Variants in ACTMAP observed in about 807,000 individuals in gnomAD.
ACTMAP encodes actin maturation protease, also known as UPF0692 protein C19orf54.
chr19:40,746,405 G>A, the ACTMAP span, among the ~76,000 whole-genome samples: 1 of 149,734 alleles, frequency 6.7e-6, no homozygotes, highest in Non-Finnish European at 1.5e-5. Context: ...TTTTGTTTTT[G>A]TTTTTTTTTG....
the ACTMAP span, chr19:40,749,857 CT>C: frequency 8.0e-7 from 1 of 1,244,674 alleles, no homozygotes; most frequent in Non-Finnish European, 1.1e-6. Flanking sequence ...GGGAAGGATC[CT>C]CCAACGGAGA....
the ACTMAP span, chr19:40,749,707 G>T: frequency 3.3e-6 from 5 of 1,519,514 alleles, no homozygotes; most frequent in Middle Eastern, 1.7e-4. Flanking sequence ...AGGGGACTTG[G>T]GGGTAGAGGA....
At chr19:40,744,892 G>A in the ACTMAP span, 44 of 842,346 alleles carry the variant, frequency 5.2e-5, no homozygotes, top group Non-Finnish European at 7.6e-5. Flanking sequence ...CTTCCTGGGA[G>A]GAGGAACCAA....
chr19:40,749,585 G>A, the ACTMAP span: 42 of 1,551,256 alleles, frequency 2.7e-5, no homozygotes, highest in South Asian at 1.2e-4. Context: ...TCTCCAGGCC[G>A]AAGACATGAC....
the ACTMAP span, among the ~76,000 whole-genome samples, chr19:40,747,621 G>A: frequency 1.3e-5 from 2 of 152,098 alleles, no homozygotes; most frequent in Non-Finnish European, 2.9e-5. Context: ...TTGGGTGGTC[G>A]AGACAAGAAG....
chr19:40,741,482 T>G, the ACTMAP span: 1 of 299,320 alleles, frequency 3.3e-6, no homozygotes, highest in South Asian at 2.9e-5. Context: ...TTTCCCTAAA[T>G]GAGATGGGCT....
At chr19:40,747,751 A>G in the ACTMAP span, among the ~76,000 whole-genome samples, 1 of 152,118 alleles carries the variant, frequency 6.6e-6, no homozygotes, top group Non-Finnish European at 1.5e-5. Context: ...CTGTGGTCCC[A>G]GCTATTTTGG....
the ACTMAP span, among the ~76,000 whole-genome samples, chr19:40,748,194 T>C: frequency 3.9e-5 from 6 of 152,198 alleles, no homozygotes. Flanking sequence ...CCAGGCCCAG[T>C]GGCTCACGCC....
chr19:40,749,647 G>C, the ACTMAP span: 4 of 1,549,030 alleles, frequency 2.6e-6, no homozygotes, highest in Non-Finnish European at 3.5e-6. Context: ...AGCGGTGGGG[G>C]AACAGGGGTC....
chr19:40,743,396 CTAA>C, the ACTMAP span, among the ~76,000 whole-genome samples: 1 of 152,120 alleles, frequency 6.6e-6, no homozygotes, highest in Admixed American at 6.6e-5. Flanking sequence ...CCACGCCTGG[CTAA>C]TTTTTGTATT....
the ACTMAP span, chr19:40,749,395 GAC>G: frequency 1.9e-4 from 253 of 1,349,806 alleles, no homozygotes; most frequent in African/African-American, 3.5e-3. Flanking sequence ...TGATCTTGAG[GAC>G]ACGGGAACCC....
the ACTMAP span, among the ~76,000 whole-genome samples, chr19:40,747,764 G>A: frequency 6.6e-6 from 1 of 152,208 alleles, no homozygotes; most frequent in Middle Eastern, 3.4e-3. Flanking sequence ...TATTTTGGAG[G>A]CTGAGATGGG....
the ACTMAP span, chr19:40,742,295 A>G: frequency 1.2e-6 from 1 of 868,886 alleles, no homozygotes. Flanking sequence ...TCAATACTGC[A>G]GGGGGTGGCC....
the ACTMAP span, among the ~76,000 whole-genome samples, chr19:40,745,821 C>T: frequency 9.9e-5 from 15 of 152,098 alleles, no homozygotes; most frequent in Non-Finnish European, 1.3e-4. Flanking sequence ...TACAGGCATG[C>T]GCCACCACGC....
At chr19:40,745,521 C>A in the ACTMAP span, among the ~76,000 whole-genome samples, 3 of 152,190 alleles carry the variant, frequency 2.0e-5, no homozygotes, top group Admixed American at 2.0e-4. Flanking sequence ...ATCTCCAACT[C>A]TTTTTCTTGC....
At chr19:40,743,505 T>C in the ACTMAP span, among the ~76,000 whole-genome samples, 1 of 152,112 alleles carries the variant, frequency 6.6e-6, no homozygotes, top group Non-Finnish European at 1.5e-5. Context: ...AGTGCTGGGA[T>C]TACAGGCGTG....
chr19:40,746,864 T>C, the ACTMAP span, among the ~76,000 whole-genome samples: 1 of 151,922 alleles, frequency 6.6e-6, no homozygotes, highest in Non-Finnish European at 1.5e-5. Flanking sequence ...TGGAGTACAG[T>C]GGTGCGATCT....
chr19:40,749,762 A>G, the ACTMAP span: 1 of 1,478,718 alleles, frequency 6.8e-7, no homozygotes, highest in East Asian at 2.5e-5. Context: ...TTTTTGGAGG[A>G]GAAATTGGTG....
the ACTMAP span, chr19:40,744,210 G>A: frequency 3.9e-6 from 6 of 1,549,344 alleles, no homozygotes; most frequent in South Asian, 4.8e-5. Context: ...CAGGGTGAGA[G>A]CACACAGAGG....
Sources: gnomAD v4.1 joint callset for allele counts (sites outside exome capture counted in the v4.1 genomes callset) on GRCh38, gnomAD v4.1.1 for gene constraint, MANE v1.5 for transcripts, NCBI Gene and HGNC (gene_info 2026-07-23, HGNC 2026-07-21) for gene names.